The following DST variants were observed in gnomAD, a reference collection of about 807,000 sequenced individuals.
The protein encoded by DST is dystonin.
In DST, 253 loss-of-function variants were observed where a neutral mutation model predicts 875.2. The ratio of observed to expected loss-of-function variants is 0.29; its 90% CI spans 0.26 to 0.32. DST has a LOEUF of 0.32. Ranked by LOEUF, DST falls within the 10% of genes least tolerant of loss-of-function variation. DST has a pLI of 1.00. For missense variants in DST, 8,287 were observed against 9,111.6 expected (o/e 0.91, Z 3.68); for synonymous variants, 3,124 against 3,197.1 (o/e 0.98, Z 0.77).
intron 36 of DST, among the ~76,000 whole-genome samples, chr6:56,621,492 T>C (rs890092599): frequency 2.0e-5 from 3 of 152,222 alleles, no homozygotes; most frequent in Non-Finnish European, 4.4e-5. Flanking sequence ...ACATGCCTCA[T>C]ATGAATCACT....
chr6:56,511,178 A>G lies in DST; in HGVS notation c.18780+19T>C. The G allele has an allele frequency of 6.4e-7, 1 of 1,558,568 alleles. No individual in the cohort carries two copies. The highest frequency in any genetic ancestry group is 8.7e-7 in the Non-Finnish European group (1 of 1,148,284). Reference sequence around the variant, plus strand: ...GTTGTCTGCAAGAACCCAATTCTATATCTAGTGTAAACAATTACCTGAGTT... The same window carrying G: ...GTTGTCTGCAAGAACCCAATTCTATGTCTAGTGTAAACAATTACCTGAGTT... On this transcript the variant is annotated intron_variant, in intron 73 of 103. Transcript: ENST00000680361.
Position 56,639,452 on chromosome 6 carries a change from CATG to C in DST, c.2854_2856del (p.His952del). On this transcript the variant is annotated inframe_deletion, in exon 21 of 104. Transcript: ENST00000680361. ...GCAAGTACAAAGGGTGTACTTACAG[CATG>C]ATAATCTTTTTTCCTAGCTATGTTG... 6.2e-7 allele frequency: 1 copy of C among 1,613,716 alleles called. No homozygotes were observed. The highest frequency in any genetic ancestry group is 1.1e-5 in the South Asian group (1 of 91,078).
chr6:56,512,069 T>C (rs2096488619), intron 72 of DST, among the ~76,000 whole-genome samples: 2 of 152,134 alleles, frequency 1.3e-5, no homozygotes, highest in Admixed American at 1.3e-4. Flanking sequence ...ATATATGATA[T>C]ATAGACACAC....
chr6:56,561,639 T>G, intron 56 of DST, 90 bp from the exon 57 acceptor site: 1 of 1,302,054 alleles, frequency 7.7e-7, no homozygotes, highest in South Asian at 1.5e-5. Context: ...CATGGTATTT[T>G]GTCACTTCTA....
intron 81 of DST, 128 bp from the exon 82 acceptor site, chr6:56,497,635 A>G (rs1039684663): frequency 3.2e-5 from 40 of 1,236,878 alleles, no homozygotes; most frequent in Middle Eastern, 2.0e-4. Context: ...GTACCATTAG[A>G]TTTGCCTTTC....
chr6:56,597,854 G>T lies in DST; in HGVS notation c.12081C>A (p.Gly4027=), dbSNP rs200047849. 8.7e-6 allele frequency: 14 copies of T among 1,613,852 alleles called. No homozygotes were observed. The East Asian group carries it at 3.1e-4, about 36-fold the overall frequency. The change falls in exon 47 of 104, where the codon GGC becomes GGA. Residue 4027 remains glycine (G), a synonymous_variant. Coordinates refer to ENST00000680361, the MANE Select transcript of DST (RefSeq NM_001374736.1). ...QNGTHFQEGD[G]KSAIGEEDEV... is the part of the protein sequence containing the mutation. ...CATCCTCTTCTCCAATTGCTGACTT[G>T]CCATCACCTTCTTGAAAATGGGTCC...
Position 56,509,856 on chromosome 6 carries a change from A to T in DST, c.18798T>A (p.Asp6266Glu), listed in dbSNP as rs1268619535. ...SQSTQFHDKI[D>E]QILESLERIV... ...TGCGTTCCAGGCTCTCAAGGATCTG[A>T]TCTATCTTGTCATGGAACTAGGGGC... Residue 6266 changes from aspartate to glutamate, a missense_variant, in exon 74 of 104, where the codon GAT becomes GAA. Transcript: ENST00000680361. 4 of 1,611,240 alleles carry T rather than the reference A, an allele frequency of 2.5e-6. No individual in the cohort carries two copies. The highest frequency in any genetic ancestry group is 3.4e-6 in the Non-Finnish European group (4 of 1,178,462).
chr6:56,577,757 A>G (rs567706872), intron 50 of DST, among the ~76,000 whole-genome samples: 29 of 152,222 alleles, frequency 1.9e-4, no homozygotes, highest in Non-Finnish European at 5.9e-5. Flanking sequence ...ACACAATAAC[A>G]TTAAATATTG....
chr6:56,631,287 T>C lies in DST; in HGVS notation c.4066A>G (p.Thr1356Ala). The change falls in exon 30 of 104, where the codon ACC becomes GCC. Residue 1356 changes from threonine to alanine, a missense_variant. Physicochemically the swap from Thr to Ala is moderately conservative, Grantham distance 58 (BLOSUM62 0). Transcript: ENST00000680361. Reference sequence around the variant, plus strand: ...ACCACATTAAGCTCTGATCGTAGGGTAGGGACTGATGAAGAGGCTGCTGCT... The same window carrying C: ...ACCACATTAAGCTCTGATCGTAGGGCAGGGACTGATGAAGAGGCTGCTGCT... Reference protein sequence around the residue: ...SQAAASSSVPTLRSELNVVLQ... With the variant: ...SQAAASSSVPALRSELNVVLQ... 1 of 1,613,966 alleles carries C rather than the reference T, an allele frequency of 6.2e-7. No individual in the cohort carries two copies.
At chr6:56,840,759 C>A (rs1418006066) in intron 4 of DST, among the ~76,000 whole-genome samples, 1 of 152,126 alleles carries the variant, frequency 6.6e-6, no homozygotes, top group African/African-American at 2.4e-5. Flanking sequence ...AAGACTAGAC[C>A]TAACAAAACT....
intron 50 of DST, among the ~76,000 whole-genome samples, chr6:56,576,811 A>G (rs139748560): frequency 1.8e-4 from 28 of 152,186 alleles, no homozygotes; most frequent in African/African-American, 5.8e-4. Context: ...AAGCCAGGAA[A>G]AGGGCCCTCA....
rs754623275 is a variant in DST, at chr6:56,555,397, A to G, written c.15084T>C (p.Ser5028=). The change falls in exon 60 of 104, where the codon AGT becomes AGC. Residue 5028 remains serine, a synonymous_variant. Coordinates refer to ENST00000680361, the MANE Select transcript of DST (RefSeq NM_001374736.1). ...ATTTTAAGATGCCTTCTAGTTGCCT[A>G]CTAAGTTCTGCTTTCAAGTACTCTT... ...VKEEYLKAEL[S]RQLEGILKSF... 6.2e-7 allele frequency: 1 copy of G among 1,611,254 alleles called. No individual in the cohort carries two copies. The highest frequency in any genetic ancestry group is 1.1e-5 in the South Asian group (1 of 90,640).
At chr6:56,631,115 A>G (rs1285569383) in intron 30 of DST, 96 bp downstream of exon 30, 1 of 490,160 alleles carries the variant, frequency 2.0e-6, no homozygotes, top group African/African-American at 2.1e-5. Context: ...AATAAAAGTT[A>G]ATATTTATAT....
At chr6:56,619,998 A>AT (rs2098673080) in intron 36 of DST, 1 of 1,613,958 alleles carries the variant, frequency 6.2e-7, no homozygotes, top group Admixed American at 1.7e-5. Context: ...ACTGCCCTGC[A>AT]TGATGTAGCC....
At chr6:56,683,955 T>C (rs562301804) in intron 9 of DST, among the ~76,000 whole-genome samples, 2 of 152,360 alleles carry the variant, frequency 1.3e-5, no homozygotes, top group South Asian at 4.1e-4. Context: ...CTTCAAAATG[T>C]CTTTTCAATA....
intron 2 of DST, among the ~76,000 whole-genome samples, chr6:56,942,525 A>G (rs968403682): frequency 4.0e-5 from 6 of 151,798 alleles, no homozygotes; most frequent in Non-Finnish European, 8.8e-5. Context: ...TTAACTTTTC[A>G]TTCTACCTAA....
At chr6:56,886,619 T>C (rs1784768819) in intron 3 of DST, among the ~76,000 whole-genome samples, 1 of 151,884 alleles carries the variant, frequency 6.6e-6, no homozygotes, top group Non-Finnish European at 1.5e-5. Context: ...CTACTAAAAA[T>C]ACAAAATTAG....
At chr6:56,713,554 G>A (rs1438637580) in intron 5 of DST, among the ~76,000 whole-genome samples, 3 of 152,290 alleles carry the variant, frequency 2.0e-5, no homozygotes, top group Admixed American at 2.0e-4. Context: ...AGACTCGAGA[G>A]GAAGCAAGGT....
intron 4 of DST, among the ~76,000 whole-genome samples, chr6:56,791,327 T>C (rs766593041): frequency 1.1e-4 from 17 of 152,254 alleles, no homozygotes; most frequent in Non-Finnish European, 2.1e-4. Context: ...AGACACTGTA[T>C]TGTGTATATT....
Sources: gnomAD v4.1 joint callset for allele counts (sites outside exome capture counted in the v4.1 genomes callset) on GRCh38, gnomAD v4.1.1 for gene constraint, MANE v1.5 for transcripts, NCBI Gene and HGNC (gene_info 2026-07-23, HGNC 2026-07-21) for gene names.